The following CDKAL1 variants were observed in gnomAD, a reference collection of about 807,000 sequenced individuals.
The protein encoded by CDKAL1 is CDKAL1 threonylcarbamoyladenosine tRNA methylthiotransferase, also known as threonylcarbamoyladenosine tRNA methylthiotransferase.
CDKAL1 carries 32 observed loss-of-function variants against 68.2 expected under a neutral mutation model. That is an observed-to-expected ratio of 0.47 (90% CI 0.35 to 0.63). CDKAL1 has a LOEUF of 0.63. Ranked by LOEUF, CDKAL1 falls within the 30% of genes least tolerant of loss-of-function variation. The pLI is 0.00. For synonymous variants in CDKAL1, 234 were observed against 244.3 expected, an observed-to-expected ratio of 0.96 and a Z score of 0.39; for missense variants, 606 against 696.7, an observed-to-expected ratio of 0.87 and a Z score of 1.47.
chr6:21,230,800 T>G (rs778371713), intron 15 of CDKAL1, 48 bp from the exon 16 acceptor site: 1 of 1,445,640 alleles, frequency 6.9e-7, no homozygotes, highest in African/African-American at 1.4e-5. Flanking sequence ...ACAACAGGGC[T>G]TTCTCTGCAT....
intron 11 of CDKAL1, among the ~76,000 whole-genome samples, chr6:21,022,739 C>T (rs1362085996): frequency 5.3e-5 from 8 of 152,146 alleles, no homozygotes; most frequent in Non-Finnish European, 1.0e-4. Flanking sequence ...CCCTGTCATG[C>T]GCATCAGTGG....
chr6:20,895,992 A>G (rs921619690), intron 9 of CDKAL1, among the ~76,000 whole-genome samples: 1 of 151,566 alleles, frequency 6.6e-6, no homozygotes, highest in Non-Finnish European at 1.5e-5. Flanking sequence ...AAACAAACAT[A>G]TAAAAATAGC....
chr6:21,205,857 C>T (rs1323800187), intron 15 of CDKAL1, among the ~76,000 whole-genome samples: 10 of 76,144 alleles, frequency 1.3e-4, no homozygotes, highest in Admixed American at 7.6e-4. Context: ...TTTTTTGAGA[C>T]AGAGTCTTGC....
chr6:20,959,203 A>T (rs1764931333), intron 10 of CDKAL1, among the ~76,000 whole-genome samples: 1 of 152,202 alleles, frequency 6.6e-6, no homozygotes, highest in African/African-American at 2.4e-5. Context: ...TGTGTTTGGG[A>T]CATCTGCAAA....
chr6:20,968,339 T>TCC (rs1262179407), intron 10 of CDKAL1, among the ~76,000 whole-genome samples: 2 of 151,818 alleles, frequency 1.3e-5, no homozygotes, highest in African/African-American at 4.8e-5. Context: ...CTGTATTTTT[T>TCC]ATAGAGACAG....
intron 5 of CDKAL1, among the ~76,000 whole-genome samples, chr6:20,671,341 TTATC>T (rs530475774): frequency 1.9e-4 from 29 of 152,310 alleles, no homozygotes; most frequent in African/African-American, 7.0e-4. Context: ...CTCTTATTGT[TTATC>T]TATTGTCTCT....
chr6:20,883,738 G>A (rs1042700122), intron 9 of CDKAL1, among the ~76,000 whole-genome samples: 10 of 152,076 alleles, frequency 6.6e-5, no homozygotes, highest in African/African-American at 2.4e-4. Flanking sequence ...TAGGTGGTAG[G>A]TATATGGAGT....
intron 2 of CDKAL1, among the ~76,000 whole-genome samples, chr6:20,543,021 A>G (rs538783697): frequency 2.6e-5 from 4 of 152,332 alleles, no homozygotes; most frequent in African/African-American, 9.6e-5. Context: ...ATTGCTCAAT[A>G]GTGTTCCATG....
At chr6:20,603,794 T>TTTTTTTTG (rs70990051) in intron 4 of CDKAL1, among the ~76,000 whole-genome samples, 2 of 134,406 alleles carry the variant, frequency 1.5e-5, no homozygotes, top group African/African-American at 3.1e-5. Flanking sequence ...TTTTTTTTTT[T>TTTTTTTTG]GAGACGGAGT....
At chr6:21,119,836 G>A (rs1470641070) in intron 13 of CDKAL1, among the ~76,000 whole-genome samples, 2 of 152,080 alleles carry the variant, frequency 1.3e-5, no homozygotes, top group Non-Finnish European at 2.9e-5. Flanking sequence ...TCAGTACTAG[G>A]TTCAATCCAA....
At chr6:20,877,407 A>G (rs1201180840) in intron 9 of CDKAL1, among the ~76,000 whole-genome samples, 1 of 152,148 alleles carries the variant, frequency 6.6e-6, no homozygotes, top group Non-Finnish European at 1.5e-5. Flanking sequence ...ACTTTGTCCA[A>G]ACTTGCTGTC....
intron 4 of CDKAL1, among the ~76,000 whole-genome samples, chr6:20,571,117 GAAGT>G (rs1764683300): frequency 6.6e-6 from 1 of 152,100 alleles, no homozygotes; most frequent in African/African-American, 2.4e-5. Context: ...TTGATGTTAC[GAAGT>G]AAGTACTATA....
At chr6:20,983,954 G>C (rs1375876170) in intron 10 of CDKAL1, among the ~76,000 whole-genome samples, 1 of 152,184 alleles carries the variant, frequency 6.6e-6, no homozygotes, top group Non-Finnish European at 1.5e-5. Context: ...TGATGCTCTT[G>C]TGAGAGACAT....
At position 20,775,486 on chromosome 6, in the gene CDKAL1, G is replaced by A. The variant is rs1405526480; in HGVS notation, c.518-5659G>A. Among the ~76,000 whole-genome samples, 3 of 152,184 alleles carry A rather than the reference G, an allele frequency of 2.0e-5. No individual in the cohort carries two copies. The East Asian group carries it at 5.8e-4, about 29-fold the overall frequency. ...TCAAATAAAGAAGGAATGTGTGAAT[G>A]TGCAATTATGGTCTTTGTCTCATGG... is the stretch of plus-strand genomic sequence containing the variant. On this transcript the variant is annotated intron_variant, in intron 7 of 15. Transcript: ENST00000274695.
chr6:20,935,790 C>A lies in CDKAL1; in HGVS notation c.743-19629C>A, dbSNP rs903410621. On this transcript the variant is annotated intron_variant, in intron 9 of 15. Coordinates refer to ENST00000274695, the MANE Select transcript of CDKAL1 (RefSeq NM_017774.3). ...TTGCTACATAGCCCAGGCTGGTCTA[C>A]AACTCCTGCGCTCAAGCGATCCTCC... Among the ~76,000 whole-genome samples, 5 of 152,164 alleles carry A rather than the reference C, an allele frequency of 3.3e-5. No individual in the cohort carries two copies. In the East Asian group the frequency reaches 9.6e-4, roughly 29 times the overall value.
intron 9 of CDKAL1, among the ~76,000 whole-genome samples, chr6:20,932,079 A>G (rs769166777): frequency 2.0e-5 from 3 of 152,186 alleles, no homozygotes; most frequent in East Asian, 1.9e-4. Context: ...ATGGTGACAC[A>G]TTAATCATTT....
chr6:20,863,132 G>A (rs940930134), intron 9 of CDKAL1, among the ~76,000 whole-genome samples: 1 of 152,198 alleles, frequency 6.6e-6, no homozygotes, highest in Non-Finnish European at 1.5e-5. Flanking sequence ...GGTGGGTCTT[G>A]TATGGGGCCT....
At chr6:21,023,395 AG>A (rs1176480099) in intron 11 of CDKAL1, among the ~76,000 whole-genome samples, 1 of 152,156 alleles carries the variant, frequency 6.6e-6, no homozygotes, top group African/African-American at 2.4e-5. Context: ...ACTTCCTGTT[AG>A]TACCTGGCTC....
intron 13 of CDKAL1, among the ~76,000 whole-genome samples, chr6:21,190,985 ACTT>A (rs1778214061): frequency 1.3e-5 from 2 of 152,174 alleles, no homozygotes; most frequent in Non-Finnish European, 2.9e-5. Context: ...GAGAAGAGCA[ACTT>A]TACATACAGT....
Sources: gnomAD v4.1 joint callset for allele counts (sites outside exome capture counted in the v4.1 genomes callset) on GRCh38, gnomAD v4.1.1 for gene constraint, MANE v1.5 for transcripts, NCBI Gene and HGNC (gene_info 2026-07-23, HGNC 2026-07-21) for gene names.